TNNT2: variants seen among roughly 807,000 people sequenced by gnomAD.
The protein encoded by TNNT2 is troponin T2, cardiac type, also known as troponin T, cardiac muscle.
Under a neutral mutation model 62.4 loss-of-function variants are expected in TNNT2, and 34 were observed. The observed-to-expected ratio is 0.54, with a 90% CI of 0.41 to 0.72. The LOEUF is 0.72. Among genes scored for constraint, TNNT2 ranks in the 30% least tolerant of loss-of-function variants. The pLI, the probability that TNNT2 is intolerant of heterozygous loss-of-function variation, is 0.00. For missense variants in TNNT2, 275 were observed against 381.9 expected (o/e 0.72, Z 2.33); for synonymous variants, 123 against 127.2 (o/e 0.97, Z 0.22).
chr1:201,368,127 C>G (rs760354030), intron 6 of TNNT2, 35 bp downstream of exon 6: 9 of 1,609,152 alleles, frequency 5.6e-6, no homozygotes, highest in Non-Finnish European at 7.7e-6. Context: ...TCTCGCCACC[C>G]CCTGAGGCCC....
intron 1 of TNNT2, 21 bp from the exon 2 acceptor site, chr1:201,373,289 C>A: frequency 6.2e-7 from 1 of 1,612,616 alleles, no homozygotes; most frequent in South Asian, 1.1e-5. Flanking sequence ...AGAAAAAAGT[C>A]AGTGCAGGTA....
At chr1:201,372,894 C>A (rs576579164) in intron 2 of TNNT2, among the ~76,000 whole-genome samples, 1 of 152,322 alleles carries the variant, frequency 6.6e-6, no homozygotes, top group East Asian at 1.9e-4. Flanking sequence ...AGTCACTGAA[C>A]CTTCCTCAGT....
chr1:201,369,407 C>T, intron 5 of TNNT2: 1 of 476,434 alleles, frequency 2.1e-6, no homozygotes, highest in Non-Finnish European at 4.3e-6. Context: ...CCAACCAACA[C>T]CTGGCCACCC....
chr1:201,372,275 GT>G, intron 2 of TNNT2, 120 bp from the exon 3 acceptor site: 2 of 1,471,668 alleles, frequency 1.4e-6, no homozygotes. Flanking sequence ...CTTTTCCCTT[GT>G]TGCCTAGTGG....
At chr1:201,368,432 C>G in intron 5 of TNNT2, 1 of 647,402 alleles carries the variant, frequency 1.5e-6, no homozygotes, top group Non-Finnish European at 2.8e-6. Context: ...CTTAGCCCCA[C>G]TCATCCCGGC....
intron 1 of TNNT2, among the ~76,000 whole-genome samples, chr1:201,376,023 G>T (rs912894201): frequency 1.3e-5 from 2 of 152,362 alleles, no homozygotes; most frequent in Admixed American, 6.5e-5. Context: ...GCAGGGGAAA[G>T]AGGTGGGCTG....
rs111451787 is a variant in TNNT2, at chr1:201,361,910, C to A, written c.719+3G>T. ...CCCCAGGACCATTCCTCCCAGCCCC[C>A]ACCTCAGCTGATCTTCATTCAGGTG... On this transcript the variant is annotated splice_donor_region_variant and intron_variant, in intron 14 of 16. Transcript: ENST00000656932. 6.2e-7 allele frequency: 1 copy of A among 1,613,782 alleles called. No homozygotes were observed. The highest frequency in any genetic ancestry group is 2.2e-5 in the East Asian group (1 of 44,872).
At chr1:201,374,379 C>T (rs758789470) in intron 1 of TNNT2, 9 of 152,062 alleles carry the variant, frequency 5.9e-5, no homozygotes, top group East Asian at 3.9e-4. Flanking sequence ...GGTGTTTAGG[C>T]GAGTCTTTTT....
At chr1:201,376,435 T>C (rs1311598156) in intron 1 of TNNT2, among the ~76,000 whole-genome samples, 1 of 152,064 alleles carries the variant, frequency 6.6e-6, no homozygotes, top group Non-Finnish European at 1.5e-5. Flanking sequence ...TCAGTCCTTG[T>C]CCCCAGCACT....
At position 201,372,020 on chromosome 1, in the gene TNNT2, C is replaced by A. The variant is rs1312770200; in HGVS notation, c.67+7G>T. On this transcript the variant is annotated splice_region_variant and intron_variant, in intron 4 of 16. Transcript: ENST00000656932. Reference sequence around the variant, plus strand: ...TTTCTGGCTCTCCACCTGCCTGAGGCACATACCTTCAACAGCTGCTTCTGC... The same window carrying A: ...TTTCTGGCTCTCCACCTGCCTGAGGAACATACCTTCAACAGCTGCTTCTGC... The A allele has an allele frequency of 6.2e-7, 1 of 1,611,930 alleles. No individual in the cohort carries two copies. The highest frequency in any genetic ancestry group is 1.7e-5 in the Admixed American group (1 of 59,514).
intron 3 of TNNT2, 42 bp from the exon 4 acceptor site, chr1:201,372,083 AG>A (rs1469148140): frequency 6.2e-7 from 1 of 1,614,080 alleles, no homozygotes. Context: ...AAGAGAGAAG[AG>A]GTGGGTCAGT....
intron 16 of TNNT2, 92 bp from the exon 17 acceptor site, chr1:201,359,347 G>C: frequency 6.7e-7 from 1 of 1,503,114 alleles, no homozygotes; most frequent in Non-Finnish European, 9.1e-7. Flanking sequence ...CCAAAGGGGA[G>C]AGGAGCAGGC....
intron 9 of TNNT2, 115 bp downstream of exon 9, chr1:201,365,495 C>T: frequency 7.7e-7 from 1 of 1,296,230 alleles, no homozygotes; most frequent in Non-Finnish European, 1.1e-6. Context: ...CTGGCTGGTG[C>T]TGCACCCCAT....
rs45533739 is a variant in TNNT2, at chr1:201,372,047, CAGAAG to C, written c.53-11_53-7del. On this transcript the variant is annotated splice_polypyrimidine_tract_variant and splice_region_variant and intron_variant, in intron 3 of 16. Coordinates refer to ENST00000656932, the MANE Select transcript of TNNT2 (RefSeq NM_001276345.2). The stretch of plus-strand genomic sequence containing the variant: ...CATACCTTCAACAGCTGCTTCTGCT[CAGAAG>C]AGAAGTCCAGGCAGCAAGAGAAGAG... 0.6 allele frequency: 971,979 copies of C among 1,612,828 alleles called. 297,642 individuals carry two copies. Among genetic ancestry groups the C allele is most frequent in the Admixed American group, 0.68 (40,638 of 59,906 alleles).
intron 8 of TNNT2, 90 bp from the exon 9 acceptor site, chr1:201,365,760 G>A: frequency 6.4e-7 from 1 of 1,570,262 alleles, no homozygotes; most frequent in Non-Finnish European, 8.7e-7. Flanking sequence ...ATCCTTCCTA[G>A]AGAATCTTCC....
At position 201,368,228 on chromosome 1, in the gene TNNT2, C is replaced by A; in HGVS notation, c.98-1G>T. On this transcript the variant is annotated splice_acceptor_variant, in intron 5 of 16. Transcript: ENST00000656932. LOFTEE classifies it high-confidence loss of function. ...TCCTCTTCCGCTGCCTCCTCCTGCTCTGGAGAAGTGAAGCAGACAGAGTGA... is the reference window on the plus strand; with the variant it reads ...TCCTCTTCCGCTGCCTCCTCCTGCTATGGAGAAGTGAAGCAGACAGAGTGA... 1 of 1,614,088 alleles carries A rather than the reference C, an allele frequency of 6.2e-7. No homozygotes were observed. The highest frequency in any genetic ancestry group is 1.1e-5 in the South Asian group (1 of 91,078).
At chr1:201,363,790 A>G in intron 11 of TNNT2, 1 of 321,932 alleles carries the variant, frequency 3.1e-6, no homozygotes, top group Non-Finnish European at 5.8e-6. Context: ...CACGTTCATA[A>G]GGACGCAGGC....
At chr1:201,375,274 G>C (rs1325862209) in intron 1 of TNNT2, 9 of 152,438 alleles carry the variant, frequency 5.9e-5, no homozygotes, top group Non-Finnish European at 8.8e-5. Flanking sequence ...CTGCAGCCCT[G>C]GATTGATTGT....
intron 3 of TNNT2, 29 bp from the exon 4 acceptor site, chr1:201,372,070 G>A (rs778345124): frequency 6.2e-7 from 1 of 1,613,636 alleles, no homozygotes; most frequent in Admixed American, 1.7e-5. Flanking sequence ...CAGGCAGCAA[G>A]AGAAGAGAGA....
Sources: gnomAD v4.1 joint callset for allele counts (sites outside exome capture counted in the v4.1 genomes callset) on GRCh38, gnomAD v4.1.1 for gene constraint, MANE v1.5 for transcripts, NCBI Gene and HGNC (gene_info 2026-07-23, HGNC 2026-07-21) for gene names.